The following DDX60L variants were observed in gnomAD, a reference collection of about 807,000 sequenced individuals.
The protein encoded by DDX60L is probable ATP-dependent RNA helicase DDX60-like.
DDX60L carries 191 observed loss-of-function variants against 211.6 expected under a neutral mutation model. The ratio of observed to expected loss-of-function variants is 0.90; its 90% CI spans 0.80 to 1.02. The LOEUF is 1.02. DDX60L is among the 50% of genes least tolerant of loss of function. The probability of loss-of-function intolerance (pLI) is 0.00; values close to 1 mark genes in which losing one functional copy is unlikely to be tolerated. For missense variants in DDX60L, 2,007 were observed against 1,984.1 expected (o/e 1.01, Z -0.22); for synonymous variants, 706 against 694.1 (o/e 1.02, Z -0.27).
chr4:168,378,021 A>G (rs1742281720), intron 33 of DDX60L, among the ~76,000 whole-genome samples: 1 of 152,194 alleles, frequency 6.6e-6, no homozygotes. Context: ...TCCCATCCCT[A>G]GCTGTAAACA....
At position 168,373,665 on chromosome 4, in the gene DDX60L, C is replaced by A. The variant is rs375553330; in HGVS notation, c.4776+1G>T. 3.1e-6 allele frequency: 5 copies of A among 1,612,860 alleles called. No homozygotes were observed. The highest frequency in any genetic ancestry group is 4.2e-6 in the Non-Finnish European group (5 of 1,179,306). Reference sequence around the variant, plus strand: ...GTACATAAGATGTATCCTTCACTTACCTGGTTGATAGTCTCTGGTCGAAGC... The same window carrying A: ...GTACATAAGATGTATCCTTCACTTAACTGGTTGATAGTCTCTGGTCGAAGC... On this transcript the variant is annotated splice_donor_variant, in intron 35 of 37. Coordinates refer to ENST00000682922, the MANE Select transcript of DDX60L (RefSeq NM_001012967.3). LOFTEE classifies it high-confidence loss of function.
intron 29 of DDX60L, among the ~76,000 whole-genome samples, chr4:168,385,178 C>T (rs906204364): frequency 2.6e-5 from 4 of 152,138 alleles, no homozygotes; most frequent in Admixed American, 2.6e-4. Context: ...GACTTTCAGC[C>T]CCTCCTCGCA....
chr4:168,478,056 C>T (rs1297295136), intron 1 of DDX60L, among the ~76,000 whole-genome samples: 1 of 147,956 alleles, frequency 6.8e-6, no homozygotes, highest in Non-Finnish European at 1.5e-5. Flanking sequence ...AATGAGACCA[C>T]ATCCCTATTT....
chr4:168,427,273 A>G lies in DDX60L; in HGVS notation c.1727T>C (p.Leu576Pro), dbSNP rs1474130192. The G allele has an allele frequency of 6.2e-7, 1 of 1,613,738 alleles. No individual in the cohort carries two copies. The highest frequency in any genetic ancestry group is 1.1e-5 in the South Asian group (1 of 91,070). The change falls in exon 14 of 38, where the codon CTC (leucine) becomes CCC (proline). Residue 576 changes from leucine (L) to proline (P), a missense_variant. Transcript: ENST00000682922. Reference sequence around the variant, plus strand: ...CTGAGCTTTGTTCTGATCTTCTTTGAGAAATGACTTTTTCTTACTCTTTTT... The same window carrying G: ...CTGAGCTTTGTTCTGATCTTCTTTGGGAAATGACTTTTTCTTACTCTTTTT... ...ITKKSKKKSF[L>P]KEDQNKAQQN...
chr4:168,457,349 G>A (rs1267248106), intron 6 of DDX60L, among the ~76,000 whole-genome samples: 2 of 146,456 alleles, frequency 1.4e-5, no homozygotes, highest in African/African-American at 5.1e-5. Flanking sequence ...ATGTTAAAAC[G>A]CTAATATCAA....
intron 22 of DDX60L, among the ~76,000 whole-genome samples, chr4:168,413,079 C>T (rs936085078): frequency 4.6e-5 from 7 of 152,172 alleles, no homozygotes; most frequent in African/African-American, 1.7e-4. Context: ...TACAAATAAG[C>T]CCAGACTGTG....
intron 5 of DDX60L, among the ~76,000 whole-genome samples, chr4:168,460,608 C>T (rs1757192414): frequency 6.6e-6 from 1 of 151,518 alleles, no homozygotes; most frequent in Non-Finnish European, 1.5e-5. Flanking sequence ...CACTTCTTTA[C>T]TTATAACACT....
chr4:168,394,702 A>G, intron 27 of DDX60L, 85 bp from the exon 28 acceptor site: 3 of 1,284,244 alleles, frequency 2.3e-6, no homozygotes, highest in Non-Finnish European at 3.2e-6. Context: ...CATTTTCACA[A>G]GCAAATCACT....
At chr4:168,448,130 A>G (rs1195548049) in intron 9 of DDX60L, among the ~76,000 whole-genome samples, 7 of 152,198 alleles carry the variant, frequency 4.6e-5, no homozygotes, top group African/African-American at 1.7e-4. Flanking sequence ...AGTGTTTGTC[A>G]TTTAAGGGAA....
At chr4:168,449,324 A>G (rs1755307571) in intron 8 of DDX60L, among the ~76,000 whole-genome samples, 1 of 151,240 alleles carries the variant, frequency 6.6e-6, no homozygotes, top group African/African-American at 2.4e-5. Flanking sequence ...AGGGACATGG[A>G]TGAAATTGGA....
chr4:168,454,397 C>G (rs2150067101), intron 7 of DDX60L, among the ~76,000 whole-genome samples: 1 of 152,248 alleles, frequency 6.6e-6, no homozygotes, highest in Admixed American at 6.5e-5. Context: ...AGTCAAGACA[C>G]TGTATGAGTC....
chr4:168,368,797 A>G (rs1740441691), intron 36 of DDX60L, among the ~76,000 whole-genome samples: 1 of 152,332 alleles, frequency 6.6e-6, no homozygotes, highest in East Asian at 1.9e-4. Flanking sequence ...AAAAGAGATC[A>G]TTTTGGAGCT....
intron 16 of DDX60L, among the ~76,000 whole-genome samples, chr4:168,422,288 A>T (rs894017323): frequency 2.6e-5 from 4 of 152,246 alleles, no homozygotes; most frequent in African/African-American, 4.8e-5. Context: ...CCACATTAGC[A>T]TGCCTTCACA....
At position 168,461,776 on chromosome 4, in the gene DDX60L, C is replaced by A; in HGVS notation, c.529G>T (p.Gly177Trp). ...AATCTGAGAGTATCAGATTCATGCC[C>A]TGATGAAAGCACAACATTGACTTTC... is the stretch of plus-strand genomic sequence containing the variant. ...GMKVNVVLSS[G>W]HESDTLRFYA... Residue 177 changes from glycine to tryptophan, a missense_variant, in exon 5 of 38, where the codon GGG becomes TGG. Gly to Trp is a radical substitution (Grantham distance 184). Transcript: ENST00000682922. 6.2e-7 allele frequency: 1 copy of A among 1,603,766 alleles called. No individual in the cohort carries two copies. The highest frequency in any genetic ancestry group is 8.5e-7 in the Non-Finnish European group (1 of 1,173,904).
At chr4:168,376,948 G>A (rs1044942237) in intron 33 of DDX60L, among the ~76,000 whole-genome samples, 3 of 152,146 alleles carry the variant, frequency 2.0e-5, no homozygotes, top group Non-Finnish European at 2.9e-5. Context: ...TACATGAGAT[G>A]ATTTAGTGTG....
chr4:168,385,432 C>A (rs1164975908), intron 29 of DDX60L, among the ~76,000 whole-genome samples: 3 of 152,262 alleles, frequency 2.0e-5, no homozygotes, highest in South Asian at 2.1e-4. Context: ...TAATATCCTT[C>A]ATAATAAACT....
chr4:168,402,484 TTAAG>T (rs1747005329), intron 25 of DDX60L, among the ~76,000 whole-genome samples: 2 of 152,216 alleles, frequency 1.3e-5, no homozygotes, highest in South Asian at 2.1e-4. Context: ...TACTGATTAG[TTAAG>T]TGTTTTATAT....
chr4:168,408,318 A>G (rs1464519480), intron 22 of DDX60L, among the ~76,000 whole-genome samples: 3 of 152,236 alleles, frequency 2.0e-5, no homozygotes. Context: ...TATAATGTAT[A>G]CAATATGCTG....
intron 7 of DDX60L, among the ~76,000 whole-genome samples, chr4:168,453,869 A>AT (rs1204121657): frequency 2.6e-5 from 4 of 152,300 alleles, no homozygotes; most frequent in East Asian, 1.9e-4. Context: ...CAATATGTTC[A>AT]TTTTTTTAAA....
Sources: allele counts gnomAD v4.1 joint callset (sites outside exome capture counted in the v4.1 genomes callset), GRCh38; gene constraint gnomAD v4.1.1; transcripts MANE v1.5; gene names NCBI Gene and HGNC (gene_info 2026-07-23, HGNC 2026-07-21).